Variants in GSTA5 observed in about 807,000 individuals in gnomAD.
GSTA5 encodes the protein glutathione S-transferase alpha 5, also known as glutathione S-transferase A5.
In GSTA5, 25 loss-of-function variants were observed where a neutral mutation model predicts 21.8. That is an observed-to-expected ratio of 1.14 (90% CI 0.83 to 1.60). The LOEUF (loss-of-function observed/expected upper bound fraction) is 1.60, where lower values mean the gene tolerates loss of function less well. GSTA5 is among the 40% of genes most tolerant of loss of function. The pLI is 0.00. For missense variants in GSTA5, 330 were observed against 259.2 expected (o/e 1.27, Z -1.88); for synonymous variants, 102 against 89.5 (o/e 1.14, Z -0.78).
chr6:52,837,616 G>T lies in GSTA5; in HGVS notation c.88-7C>A. 1.9e-6 allele frequency: 3 copies of T among 1,600,992 alleles called. No homozygotes were observed. The highest frequency in any genetic ancestry group is 2.6e-6 in the Non-Finnish European group (3 of 1,168,686). ...CTAGAAATTTCTCTTCCAACTGGAA[G>T]CAGAAACAGTAAATGGGTTCTTCTT... On this transcript the variant is annotated splice_polypyrimidine_tract_variant and splice_region_variant and intron_variant, in intron 1 of 5. Transcript: ENST00000370989.
upstream of GSTA5, among the ~76,000 whole-genome samples, chr6:52,844,061 A>G (rs867055572): frequency 1.4e-4 from 21 of 152,270 alleles, no homozygotes; most frequent in Middle Eastern, 6.8e-3. Context: ...TTCATGGTCA[A>G]TATCTAGGGA....
intron 3 of GSTA5, among the ~76,000 whole-genome samples, chr6:52,835,929 G>GGC: frequency 6.6e-6 from 1 of 152,150 alleles, no homozygotes; most frequent in African/African-American, 2.4e-5. Flanking sequence ...AGCCTCTGAA[G>GGC]TTCTGAGTAC....
intron 1 of GSTA5, among the ~76,000 whole-genome samples, chr6:52,838,475 G>T (rs1764322987): frequency 1.3e-5 from 2 of 152,200 alleles, no homozygotes; most frequent in Admixed American, 1.3e-4. Context: ...TTAGAATTTT[G>T]AAACTATACT....
chr6:52,833,994 A>C (rs137903257), intron 4 of GSTA5, 147 bp downstream of exon 4: 1 of 835,560 alleles, frequency 1.2e-6, no homozygotes, highest in South Asian at 1.6e-5. Context: ...GTCTATTTGC[A>C]TAAGAGGCCT....
At position 52,837,549 on chromosome 6, in the gene GSTA5, T is replaced by TG; in HGVS notation, c.139+8dup. On this transcript the variant is annotated intron_variant, in intron 2 of 5. Coordinates refer to ENST00000370989, the Ensembl canonical transcript of GSTA5. ...ACTCTCATCAGAGTTACTTAGAGATTGATCTTACCATTTCTTAACTTGTCC... is the reference window on the plus strand; with the variant it reads ...ACTCTCATCAGAGTTACTTAGAGATTGGATCTTACCATTTCTTAACTTGTCC... The TG allele has an allele frequency of 6.3e-7, 1 of 1,583,358 alleles. No individual in the cohort carries two copies. The highest frequency in any genetic ancestry group is 8.7e-7 in the Non-Finnish European group (1 of 1,152,626).
In GSTA5 at chr6:52,837,523, A is replaced by C. The variant is rs759756696; in HGVS notation, c.139+35T>G. ...ACGTTCCTCTGTACCTTCTACTAGA[A>C]ACTCTCATCAGAGTTACTTAGAGAT... On this transcript the variant is annotated intron_variant, in intron 2 of 5. Coordinates refer to ENST00000370989, the Ensembl canonical transcript of GSTA5. 3 of 1,403,016 alleles carry C rather than the reference A, an allele frequency of 2.1e-6. No homozygotes were observed. The East Asian group carries it at 6.9e-5, about 32-fold the overall frequency. The allele number at this position is 1,403,016 out of a possible 1,614,324, so 86.9% of individuals were successfully genotyped here.
upstream of GSTA5, among the ~76,000 whole-genome samples, chr6:52,841,387 G>A (rs1200439751): frequency 1.3e-5 from 2 of 152,210 alleles, no homozygotes; most frequent in African/African-American, 4.8e-5. Flanking sequence ...CCATGAACTG[G>A]TTGTGAAACC....
At chr6:52,844,506 A>C (rs1339602002), upstream of GSTA5, among the ~76,000 whole-genome samples, 3 of 152,184 alleles carry the variant, frequency 2.0e-5, no homozygotes, top group Non-Finnish European at 4.4e-5. Context: ...TTAATTTGAA[A>C]GGAATATAAG....
chr6:52,832,829 GC>G, intron 5 of GSTA5, 29 bp downstream of exon 5: 2 of 1,613,152 alleles, frequency 1.2e-6, no homozygotes, highest in Non-Finnish European at 1.7e-6. Context: ...GAGATGTGGG[GC>G]TGTCTCTCTG....
chr6:52,836,289 G>T lies in GSTA5; in HGVS notation c.219C>A (p.Asn73Lys), dbSNP rs372635261. 58 of 1,613,868 alleles carry T rather than the reference G, an allele frequency of 3.6e-5. No individual in the cohort carries two copies. In the South Asian group the frequency reaches 5.5e-4, roughly 15 times the overall value. ...AAAGGTTGTATTTGCTGGCAATGTA[G>T]TTAAGAATGGCTCTGGTCTGCACCA... The change falls in exon 3 of 6, where the codon AAC (asparagine) becomes AAA (lysine). Residue 73 changes from asparagine to lysine, a missense_variant. Asn to Lys is a moderately conservative substitution (Grantham distance 94). Coordinates refer to ENST00000370989, the Ensembl canonical transcript of GSTA5.
chr6:52,834,278 C>T, exon 4 of GSTA5: 1 of 1,607,626 alleles, frequency 6.2e-7, no homozygotes, highest in Non-Finnish European at 8.5e-7. Context: ...GTGTACATAT[C>T]AATCCTGAAA....
At chr6:52,836,393 G>A (rs748062811) in intron 2 of GSTA5, 25 bp from the exon 3 acceptor site, 3 of 1,610,080 alleles carry the variant, frequency 1.9e-6, no homozygotes, top group African/African-American at 1.3e-5. Flanking sequence ...AAAAAAAGGA[G>A]TATGAAGTGT....
At chr6:52,838,593 C>G (rs1764324240) in intron 1 of GSTA5, among the ~76,000 whole-genome samples, 1 of 152,232 alleles carries the variant, frequency 6.6e-6, no homozygotes, top group South Asian at 2.1e-4. Flanking sequence ...CTGTCTCAAT[C>G]TGACCAGAAG....
chr6:52,836,745 C>G (rs1193807668), intron 2 of GSTA5, among the ~76,000 whole-genome samples: 1 of 152,210 alleles, frequency 6.6e-6, no homozygotes, highest in Non-Finnish European at 1.5e-5. Context: ...CTCCTGACCT[C>G]AAATGATCCA....
upstream of GSTA5, among the ~76,000 whole-genome samples, chr6:52,845,113 G>A (rs1299490562): frequency 1.3e-5 from 2 of 151,970 alleles, no homozygotes; most frequent in African/African-American, 2.4e-5. Context: ...GTCATATGGT[G>A]GCTCTCTGTT....
chr6:52,843,755 C>T (rs111268961), upstream of GSTA5, among the ~76,000 whole-genome samples: 203 of 152,238 alleles, frequency 1.3e-3, no homozygotes, highest in African/African-American at 4.5e-3. Context: ...AAGTGTGGGG[C>T]GCGGTTGTTT....
intron 1 of GSTA5, among the ~76,000 whole-genome samples, 156 bp downstream of exon 1, chr6:52,840,571 T>C (rs571108247): frequency 3.3e-5 from 5 of 152,352 alleles, no homozygotes; most frequent in African/African-American, 1.2e-4. Context: ...ATTTTAACAA[T>C]TTTTAGGTCA....
exon 6 of GSTA5, chr6:52,831,867 C>T: frequency 6.2e-7 from 1 of 1,614,030 alleles, no homozygotes; most frequent in Non-Finnish European, 8.5e-7. Context: ...GAAAATCTTC[C>T]TTGCTTCTTC....
intron 2 of GSTA5, among the ~76,000 whole-genome samples, chr6:52,837,242 G>A (rs1330416849): frequency 1.3e-5 from 2 of 152,146 alleles, no homozygotes; most frequent in Non-Finnish European, 2.9e-5. Context: ...GCTTGGATGG[G>A]GAGGGCTCTA....
Sources: allele counts gnomAD v4.1 joint callset (sites outside exome capture counted in the v4.1 genomes callset), GRCh38; gene constraint gnomAD v4.1.1; transcripts MANE v1.5; gene names NCBI Gene and HGNC (gene_info 2026-07-23, HGNC 2026-07-21).